The following ZNF407 variants were observed in gnomAD, a reference collection of about 807,000 sequenced individuals.
ZNF407 encodes the protein zinc finger protein 407.
ZNF407 carries 17 observed loss-of-function variants against 131.2 expected under a neutral mutation model. The ratio of observed to expected loss-of-function variants is 0.13; its 90% CI spans 0.09 to 0.19. The LOEUF (loss-of-function observed/expected upper bound fraction) is 0.19, where lower values mean the gene tolerates loss of function less well. ZNF407 is among the 10% of genes least tolerant of loss of function. The pLI, the probability that ZNF407 is intolerant of heterozygous loss-of-function variation, is 1.00. For missense variants in ZNF407, 2,681 were observed against 2,830.6 expected (o/e 0.95, Z 1.20); for synonymous variants, 1,156 against 1,062.0 (o/e 1.09, Z -1.72).
chr18:74,854,859 T>C (rs1284194795), intron 4 of ZNF407, among the ~76,000 whole-genome samples: 1 of 151,976 alleles, frequency 6.6e-6, no homozygotes, highest in African/African-American at 2.4e-5. Context: ...ATCCTTTTCA[T>C]TTCCCCAGAG....
At chr18:74,771,592 T>A (rs748551185) in intron 3 of ZNF407, among the ~76,000 whole-genome samples, 41 of 152,034 alleles carry the variant, frequency 2.7e-4, no homozygotes, top group Non-Finnish European at 5.7e-4. Flanking sequence ...TAACAACAAA[T>A]TATAGTATGC....
chr18:74,967,983 G>A (rs1404881151), intron 8 of ZNF407, among the ~76,000 whole-genome samples: 1 of 151,956 alleles, frequency 6.6e-6, no homozygotes, highest in Non-Finnish European at 1.5e-5. Context: ...GTTTTTTTGT[G>A]TGCTTGTTTT....
intron 1 of ZNF407, among the ~76,000 whole-genome samples, chr18:74,599,505 G>A (rs1232068793): frequency 6.6e-6 from 1 of 152,184 alleles, no homozygotes; most frequent in African/African-American, 2.4e-5. Flanking sequence ...AGATCTGGTT[G>A]AATAGACACA....
At chr18:74,921,949 A>G (rs1041869225) in intron 8 of ZNF407, among the ~76,000 whole-genome samples, 2 of 152,212 alleles carry the variant, frequency 1.3e-5, no homozygotes, top group Admixed American at 1.3e-4. Flanking sequence ...CAATACGTGG[A>G]TAGAGGCTCA....
chr18:74,892,727 CT>C (rs1971402401), intron 7 of ZNF407, among the ~76,000 whole-genome samples: 1 of 152,148 alleles, frequency 6.6e-6, no homozygotes, highest in South Asian at 2.1e-4. Flanking sequence ...TTCAAAATGC[CT>C]AGTTTTTAAA....
intron 3 of ZNF407, among the ~76,000 whole-genome samples, chr18:74,728,895 G>A (rs942517442): frequency 3.3e-5 from 5 of 152,180 alleles, no homozygotes; most frequent in Non-Finnish European, 7.3e-5. Context: ...CTAAACACTA[G>A]CCAGCAGTAT....
intron 8 of ZNF407, among the ~76,000 whole-genome samples, chr18:75,051,763 T>A (rs1322920752): frequency 6.6e-6 from 1 of 152,244 alleles, no homozygotes; most frequent in Non-Finnish European, 1.5e-5. Flanking sequence ...CCAGCCATGC[T>A]GCTGCTAGTC....
chr18:75,064,473 C>T lies in ZNF407; in HGVS notation c.*5C>T, dbSNP rs1022719683. 29 of 1,474,018 alleles carry T rather than the reference C, an allele frequency of 2.0e-5. No homozygotes were observed. The Admixed American group carries it at 4.9e-4, about 25-fold the overall frequency. The allele number at this position is 1,474,018 out of a possible 1,614,324, so 91.3% of individuals were successfully genotyped here. A position where few individuals can be genotyped will look rare whatever the true frequency, so the allele number is the denominator to read the frequency against. ...AGCGAACTCCAGGAAGCATGAGACG[C>T]GCGGCACCTTTACTCAGCACAGGGC... On this transcript the variant is annotated 3_prime_UTR_variant, in exon 9 of 9. Coordinates refer to ENST00000299687, the MANE Select transcript of ZNF407 (RefSeq NM_017757.3).
chr18:74,777,360 A>G (rs1302093647), intron 3 of ZNF407, among the ~76,000 whole-genome samples: 2 of 152,006 alleles, frequency 1.3e-5, no homozygotes, highest in Non-Finnish European at 2.9e-5. Flanking sequence ...ATTATTTTTT[A>G]TTTAAAGGTG....
At chr18:74,802,473 C>T (rs753882513) in intron 4 of ZNF407, among the ~76,000 whole-genome samples, 7 of 152,054 alleles carry the variant, frequency 4.6e-5, no homozygotes, top group Admixed American at 1.3e-4. Flanking sequence ...TCACAACCGA[C>T]AATGTGTGGT....
intron 3 of ZNF407, among the ~76,000 whole-genome samples, chr18:74,707,744 G>A (rs913916467): frequency 2.0e-5 from 3 of 152,104 alleles, no homozygotes; most frequent in African/African-American, 7.2e-5. Flanking sequence ...TCTGTTGATT[G>A]GACTTTTTCC....
chr18:74,600,209 AAGG>A (rs1982520876), intron 1 of ZNF407, among the ~76,000 whole-genome samples: 1 of 152,196 alleles, frequency 6.6e-6, no homozygotes, highest in Non-Finnish European at 1.5e-5. Flanking sequence ...AATTTATTGG[AAGG>A]CTATAGATGG....
At chr18:74,728,478 G>A (rs13381885) in intron 3 of ZNF407, among the ~76,000 whole-genome samples, 4,887 of 152,250 alleles carry the variant, frequency 0.032, 105 homozygotes, top group South Asian at 0.053. Context: ...GTTAGCCCTG[G>A]CAGTAACTAG....
rs182801764 is a variant in ZNF407, at chr18:74,848,958, G to A, written c.4878-28239G>A. On this transcript the variant is annotated intron_variant, in intron 4 of 8. Transcript: ENST00000299687. The stretch of plus-strand genomic sequence containing the variant: ...GTCAATTCTAGCTTGAAAATTCTGC[G>A]TTGTACTGAAGTGGCAAACCATGGA... 2.2e-4 allele frequency among the ~76,000 whole-genome samples: 33 copies of A among 151,322 alleles called. No individual in the cohort carries two copies. In the East Asian group the frequency reaches 2.7e-3, roughly 12 times the overall value.
chr18:74,885,520 A>G (rs540966022), intron 6 of ZNF407, among the ~76,000 whole-genome samples: 1 of 152,344 alleles, frequency 6.6e-6, no homozygotes, highest in East Asian at 1.9e-4. Context: ...AAGGCTTGAA[A>G]TAAGTCACCA....
At chr18:74,644,177 CTTTTT>C (rs34393480) in intron 3 of ZNF407, among the ~76,000 whole-genome samples, 53 of 118,860 alleles carry the variant, frequency 4.5e-4, no homozygotes, top group African/African-American at 1.6e-3. Context: ...TTGGGGGAAT[CTTTTT>C]TTTTTTTTTT....
intron 8 of ZNF407, among the ~76,000 whole-genome samples, chr18:75,016,490 C>A (rs1361934106): frequency 7.6e-6 from 1 of 131,268 alleles, no homozygotes; most frequent in African/African-American, 2.7e-5. Context: ...TCAGATAGAA[C>A]TATATTGGTG....
At chr18:74,664,482 G>A (rs947372588) in intron 3 of ZNF407, among the ~76,000 whole-genome samples, 2 of 152,124 alleles carry the variant, frequency 1.3e-5, no homozygotes, top group African/African-American at 4.8e-5. Context: ...GCGACGGAGT[G>A]AGACTCCGTC....
chr18:74,883,797 G>C (rs1971271339), intron 6 of ZNF407, among the ~76,000 whole-genome samples: 1 of 152,232 alleles, frequency 6.6e-6, no homozygotes, highest in Admixed American at 6.5e-5. Flanking sequence ...AATGGGGCCT[G>C]AGATGCAGTA....
Sources: gnomAD v4.1 joint callset for allele counts (sites outside exome capture counted in the v4.1 genomes callset) on GRCh38, gnomAD v4.1.1 for gene constraint, MANE v1.5 for transcripts, NCBI Gene and HGNC (gene_info 2026-07-23, HGNC 2026-07-21) for gene names.